ANXA8: variants seen among roughly 807,000 people sequenced by gnomAD.
ANXA8 encodes the protein annexin A8, also known as VAC-beta.
Under a neutral mutation model 26.8 loss-of-function variants are expected in ANXA8, and 9 were observed. That is an observed-to-expected ratio of 0.34 (90% CI 0.20 to 0.59). The LOEUF is 0.59. Among genes scored for constraint, ANXA8 ranks in the 20% least tolerant of loss-of-function variants. ANXA8 has a pLI of 0.84. For missense variants in ANXA8, 83 were observed against 238.5 expected, an observed-to-expected ratio of 0.35 and a Z score of 4.29; for synonymous variants, 39 against 94.8, an observed-to-expected ratio of 0.41 and a Z score of 3.42.
At chr10:47,722,552 A>C in the ANXA8 span, among the ~76,000 whole-genome samples, 1 of 139,798 alleles carries the variant, frequency 7.2e-6, no homozygotes, top group Non-Finnish European at 1.6e-5. Context: ...TGGAGGATTC[A>C]TTTCCAAAGT....
the ANXA8 span, among the ~76,000 whole-genome samples, chr10:47,945,504 C>G: frequency 6.7e-6 from 1 of 150,372 alleles, no homozygotes; most frequent in African/African-American, 2.5e-5. Flanking sequence ...AAACTCAAGT[C>G]AAAACCAGGG....
At chr10:47,772,588 TTACAGATG>T in the ANXA8 span, among the ~76,000 whole-genome samples, 1 of 152,054 alleles carries the variant, frequency 6.6e-6, no homozygotes, top group African/African-American at 2.4e-5. Context: ...AATTCCAATT[TTACAGATG>T]AGAAAACTAA....
chr10:47,565,060 G>A, the ANXA8 span: 4 of 774,242 alleles, frequency 5.2e-6, no homozygotes, highest in Non-Finnish European at 9.5e-6. Flanking sequence ...CCATGGGCAT[G>A]TCCTCCGAAG....
the ANXA8 span, among the ~76,000 whole-genome samples, chr10:47,528,332 GCCT>G: frequency 5.0e-5 from 7 of 138,696 alleles, no homozygotes; most frequent in Non-Finnish European, 1.1e-4. Context: ...GCCTGTCTCG[GCCT>G]CCCAAAGTCT....
At chr10:47,920,860 CT>C in the ANXA8 span, 2 of 147,338 alleles carry the variant, frequency 1.4e-5, no homozygotes, top group African/African-American at 5.0e-5. Context: ...AACTGCAACC[CT>C]GTGGGATTAA....
the ANXA8 span, among the ~76,000 whole-genome samples, chr10:47,942,671 G>A: frequency 2.1e-5 from 3 of 142,298 alleles, no homozygotes; most frequent in Non-Finnish European, 4.5e-5. Flanking sequence ...TGCTGTTGCT[G>A]GGGACCTACT....
At chr10:47,470,153 C>T (rs1839284082) in intron 11 of ANXA8, among the ~76,000 whole-genome samples, 2 of 151,722 alleles carry the variant, frequency 1.3e-5, no homozygotes, top group African/African-American at 4.9e-5. Flanking sequence ...TATACATTTG[C>T]CTCTTAATTT....
At chr10:47,653,689 A>G in the ANXA8 span, among the ~76,000 whole-genome samples, 1 of 149,304 alleles carries the variant, frequency 6.7e-6, no homozygotes, top group Non-Finnish European at 1.5e-5. Context: ...TCTGTCGCCC[A>G]GGCTGGAGTG....
chr10:47,742,887 G>A, the ANXA8 span, among the ~76,000 whole-genome samples: 1 of 143,094 alleles, frequency 7.0e-6, no homozygotes, highest in Non-Finnish European at 1.5e-5. Context: ...GGGCGCAGTG[G>A]CTCACGCCTG....
the ANXA8 span, among the ~76,000 whole-genome samples, chr10:47,682,982 A>G: frequency 6.6e-6 from 1 of 152,232 alleles, no homozygotes; most frequent in African/African-American, 2.4e-5. Flanking sequence ...GTCTCACTTG[A>G]ATACCAAAGA....
chr10:47,521,366 C>A, the ANXA8 span, among the ~76,000 whole-genome samples: 2 of 137,988 alleles, frequency 1.4e-5, no homozygotes, highest in African/African-American at 2.7e-5. Context: ...TTAATTCACA[C>A]AATGCATTTG....
the ANXA8 span, among the ~76,000 whole-genome samples, chr10:47,667,054 A>C: frequency 3.7e-4 from 56 of 152,108 alleles, no homozygotes; most frequent in African/African-American, 1.3e-3. Flanking sequence ...CTTGAAGAAG[A>C]CTTTTCCAGA....
chr10:47,665,506 A>G, the ANXA8 span, among the ~76,000 whole-genome samples: 3 of 151,022 alleles, frequency 2.0e-5, no homozygotes, highest in Non-Finnish European at 4.4e-5. Context: ...ACAGTGCTAT[A>G]TATTCATACT....
chr10:47,663,847 G>A, the ANXA8 span, among the ~76,000 whole-genome samples: 1 of 148,192 alleles, frequency 6.7e-6, no homozygotes, highest in Non-Finnish European at 1.5e-5. Flanking sequence ...ATGTTTGGAT[G>A]ATTGTGAATT....
At chr10:47,591,129 T>C in the ANXA8 span, among the ~76,000 whole-genome samples, 4 of 145,210 alleles carry the variant, frequency 2.8e-5, no homozygotes, top group Non-Finnish European at 5.9e-5. Flanking sequence ...TCAAATCCTC[T>C]CTCCTCTAAT....
chr10:47,482,448 G>A (rs1462832870), intron 1 of ANXA8, among the ~76,000 whole-genome samples: 1 of 90,100 alleles, frequency 1.1e-5, no homozygotes, highest in Non-Finnish European at 2.0e-5. Flanking sequence ...AGAAGGGTCC[G>A]GCCACAGAGT....
the ANXA8 span, among the ~76,000 whole-genome samples, chr10:47,932,351 G>A: frequency 6.6e-6 from 1 of 151,108 alleles, no homozygotes; most frequent in East Asian, 2.0e-4. Context: ...TGTCAGTCAG[G>A]CACTCAGTAA....
chr10:47,958,881 CATT>C, the ANXA8 span, among the ~76,000 whole-genome samples: 1 of 150,018 alleles, frequency 6.7e-6, no homozygotes, highest in Non-Finnish European at 1.5e-5. Context: ...AAACCGCCCC[CATT>C]ATCCAATTAC....
At chr10:47,577,312 A>G in the ANXA8 span, among the ~76,000 whole-genome samples, 1 of 144,652 alleles carries the variant, frequency 6.9e-6, no homozygotes, top group Non-Finnish European at 1.5e-5. Context: ...CTGAAGTGGG[A>G]TCACCTGAGG....
Sources: gnomAD v4.1 joint callset for allele counts (sites outside exome capture counted in the v4.1 genomes callset) on GRCh38, gnomAD v4.1.1 for gene constraint, MANE v1.5 for transcripts, NCBI Gene and HGNC (gene_info 2026-07-23, HGNC 2026-07-21) for gene names.